The following ABCA4 variants were observed in gnomAD, a reference collection of about 807,000 sequenced individuals.
ABCA4 encodes ATP binding cassette subfamily A member 4, also known as retinal-specific phospholipid-transporting ATPase ABCA4.
In ABCA4, 196 loss-of-function variants were observed where a neutral mutation model predicts 263.7. The observed-to-expected ratio is 0.74, with a 90% confidence interval of 0.66 to 0.84. ABCA4 has a LOEUF of 0.84. Among genes scored for constraint, ABCA4 ranks in the 40% least tolerant of loss-of-function variants. The probability of loss-of-function intolerance (pLI) is 0.00; values close to 1 mark genes in which losing one functional copy is unlikely to be tolerated. For synonymous variants in ABCA4, 1,133 were observed against 1,094.2 expected (o/e 1.04, Z -0.70); for missense variants, 2,792 against 2,855.1 (o/e 0.98, Z 0.50).
intron 11 of ABCA4, among the ~76,000 whole-genome samples, chr1:94,066,719 C>T (rs1661278037): frequency 6.6e-6 from 1 of 152,222 alleles, no homozygotes; most frequent in African/African-American, 2.4e-5. Flanking sequence ...TTCCCCTATC[C>T]TTGCTCTGAG....
chr1:94,008,364 C>A, intron 41 of ABCA4, 67 bp from the exon 42 acceptor site: 1 of 1,493,978 alleles, frequency 6.7e-7, no homozygotes, highest in Non-Finnish European at 9.3e-7. Flanking sequence ...GAAGAGGGAA[C>A]AAAGAGCAAA....
intron 4 of ABCA4, among the ~76,000 whole-genome samples, chr1:94,103,360 G>A (rs1452248545): frequency 6.6e-6 from 1 of 151,784 alleles, no homozygotes; most frequent in African/African-American, 2.4e-5. Flanking sequence ...TAAGAAGGTG[G>A]AAAAAGTTAG....
At chr1:94,023,238 C>T in intron 32 of ABCA4, 148 bp downstream of exon 32, 2 of 687,566 alleles carry the variant, frequency 2.9e-6, no homozygotes, top group Admixed American at 4.5e-5. Flanking sequence ...TCCCTAGCCA[C>T]ATATTCTTCA....
intron 3 of ABCA4, among the ~76,000 whole-genome samples, 158 bp from the exon 4 acceptor site, chr1:94,108,874 G>A (rs567235315): frequency 4.8e-4 from 73 of 151,990 alleles, no homozygotes; most frequent in African/African-American, 1.5e-3. Flanking sequence ...CCGGGTTCAC[G>A]CTATTCTCCT....
In ABCA4 at chr1:94,055,196, G is replaced by A; in HGVS notation, c.2502C>T (p.Phe834=). 2 of 1,614,186 alleles carry A rather than the reference G, an allele frequency of 1.2e-6. No homozygotes were observed. Among genetic ancestry groups the A allele is most frequent in the Non-Finnish European group, 1.7e-6 (2 of 1,180,036 alleles). The change falls in exon 16 of 50, where the codon TTC becomes TTT. Residue 834 remains phenylalanine, a synonymous_variant. Coordinates refer to ENST00000370225, the MANE Select transcript of ABCA4 (RefSeq NM_000350.3). ...TCATCTGCATGGACAGCAGGAAGCTGAATTCGTCCCCTTCCGTGGGACTGT... is the reference window on the plus strand; with the variant it reads ...TCATCTGCATGGACAGCAGGAAGCTAAATTCGTCCCCTTCCGTGGGACTGT... ...IGNSPTEGDE[F]SFLLSMQMML...
rs199775401 is a variant in ABCA4 at position 94,021,329 on chromosome 1, C to T, written c.4929G>A (p.Leu1643=). The T allele has an allele frequency of 6.2e-7, 1 of 1,614,182 alleles. No individual in the cohort carries two copies. Among genetic ancestry groups the T allele is most frequent in the African/African-American group, 1.3e-5 (1 of 75,038 alleles). ...VAHNAILRAS[L]PKDRSPEEYG... ...ACTCCTCGGGGCTCCTGTCCTTAGG[C>T]AGGCTGGCCCGTAAGATGGCGTTGT... Residue 1643 remains leucine, a synonymous_variant, in exon 35 of 50, where the codon CTG becomes CTA. Coordinates refer to ENST00000370225, the MANE Select transcript of ABCA4 (RefSeq NM_000350.3).
rs1660481292 is a variant in ABCA4 at position 94,041,355 on chromosome 1, G to C, written c.3376C>G (p.Leu1126Val). The change falls in exon 23 of 50, where the codon CTT becomes GTT. Residue 1126 changes from leucine (L) to valine (V), a missense_variant. Coordinates refer to ENST00000370225, the MANE Select transcript of ABCA4 (RefSeq NM_000350.3). ...STHHMDEADLLGDRIAIIAQG... is the reference protein window; with the variant it reads ...STHHMDEADLVGDRIAIIAQG... ...GCAATGATGGCAATGCGGTCCCCAA[G>C]GAGGTCGGCCTCGTCCATGTGGTGA... The C allele has an allele frequency of 6.2e-7, 1 of 1,614,178 alleles. No homozygotes were observed. Among genetic ancestry groups the C allele is most frequent in the Non-Finnish European group, 8.5e-7 (1 of 1,180,040 alleles).
intron 1 of ABCA4, among the ~76,000 whole-genome samples, chr1:94,114,890 C>G (rs1662715378): frequency 6.6e-6 from 1 of 152,230 alleles, no homozygotes; most frequent in African/African-American, 2.4e-5. Context: ...GGAACCTCAT[C>G]TGTCGTTGTC....
At chr1:94,066,231 G>A (rs1425091169) in intron 11 of ABCA4, among the ~76,000 whole-genome samples, 1 of 152,226 alleles carries the variant, frequency 6.6e-6, no homozygotes, top group African/African-American at 2.4e-5. Context: ...CATGCTGCTT[G>A]AGGACAAAGG....
chr1:94,062,609 C>A lies in ABCA4; in HGVS notation c.1905G>T (p.Gln635His). Residue 635 changes from glutamine to histidine, a missense_variant, in exon 13 of 50, where the codon CAG becomes CAT. By Grantham distance (24) the Gln-to-His change is conservative (BLOSUM62 0). Coordinates refer to ENST00000370225, the MANE Select transcript of ABCA4 (RefSeq NM_000350.3). ...QAEAPVGIYLQQMPYPCFVDD... is the reference protein window; with the variant it reads ...QAEAPVGIYLHQMPYPCFVDD... Reference sequence around the variant, plus strand: ...CCACGAAGCAGGGGTAGGGCATCTGCTGGAGGTAGATTCCAACTGGAGCCT... The same window carrying A: ...CCACGAAGCAGGGGTAGGGCATCTGATGGAGGTAGATTCCAACTGGAGCCT... 1 of 1,614,174 alleles carries A rather than the reference C, an allele frequency of 6.2e-7. No homozygotes were observed.
chr1:94,017,481 T>C (rs969599814), intron 36 of ABCA4, among the ~76,000 whole-genome samples: 1 of 152,184 alleles, frequency 6.6e-6, no homozygotes, highest in African/African-American at 2.4e-5. Flanking sequence ...CAAAAGACTG[T>C]GGAACTCTTC....
chr1:94,098,399 A>G (rs879550261), intron 6 of ABCA4, among the ~76,000 whole-genome samples: 5 of 152,156 alleles, frequency 3.3e-5, no homozygotes, highest in Non-Finnish European at 5.9e-5. Flanking sequence ...GTAAAGTATT[A>G]TATTTGTTTT....
At chr1:94,092,491 GACACCCTGAGTGCTAGGA>G (rs1661996149) in intron 6 of ABCA4, among the ~76,000 whole-genome samples, 1 of 152,204 alleles carries the variant, frequency 6.6e-6, no homozygotes, top group South Asian at 2.1e-4. Flanking sequence ...ACCAGGAGGG[GACACCCTGAGTGCTAGGA>G]AATGCGTCAT....
At chr1:94,000,620 G>A (rs1659147229) in intron 47 of ABCA4, among the ~76,000 whole-genome samples, 1 of 152,086 alleles carries the variant, frequency 6.6e-6, no homozygotes, top group Non-Finnish European at 1.5e-5. Flanking sequence ...AGACTTGGGC[G>A]AGTCTTCGAC....
At chr1:94,112,806 T>G (rs1164048154) in intron 2 of ABCA4, among the ~76,000 whole-genome samples, 167 bp downstream of exon 2, 1 of 152,156 alleles carries the variant, frequency 6.6e-6, no homozygotes, top group East Asian at 1.9e-4. Flanking sequence ...AAAGACTTTT[T>G]AAAAATTATA....
chr1:94,068,607 A>C (rs757402881), intron 11 of ABCA4, among the ~76,000 whole-genome samples: 1 of 152,266 alleles, frequency 6.6e-6, no homozygotes, highest in Non-Finnish European at 1.5e-5. Context: ...TGGTCTGATT[A>C]GCTTGCAAGT....
rs61748527 is a variant in ABCA4, at chr1:94,111,510, A to T, written c.230T>A (p.Val77Glu). ...GGGGCTTTGAAAACAGGGATTGTTC[A>T]CATTGCAGAAGATCCCCTGGAGCCA... ...LPWLQGIFCN[V>E]NNPCFQSPTP... The change falls in exon 3 of 50, where the codon GTG becomes GAG. Residue 77 changes from valine to glutamate, a missense_variant. By Grantham distance (121) the Val-to-Glu change is moderately radical (BLOSUM62 -2). Coordinates refer to ENST00000370225, the MANE Select transcript of ABCA4 (RefSeq NM_000350.3). 6.2e-7 allele frequency: 1 copy of T among 1,614,196 alleles called. No homozygotes were observed. Among genetic ancestry groups the T allele is most frequent in the Non-Finnish European group, 8.5e-7 (1 of 1,179,986 alleles).
At chr1:94,026,600 A>G (rs1660046388) in intron 30 of ABCA4, among the ~76,000 whole-genome samples, 1 of 152,222 alleles carries the variant, frequency 6.6e-6, no homozygotes, top group South Asian at 2.1e-4. Context: ...GGTGGAATCC[A>G]GGTTGGAAAA....
intron 6 of ABCA4, among the ~76,000 whole-genome samples, chr1:94,096,018 G>A (rs1662117569): frequency 1.3e-5 from 2 of 152,196 alleles, no homozygotes. Context: ...GAACAGGAGA[G>A]AGAAAGCATC....
Sources: gnomAD v4.1 joint callset for allele counts (sites outside exome capture counted in the v4.1 genomes callset) on GRCh38, gnomAD v4.1.1 for gene constraint, MANE v1.5 for transcripts, NCBI Gene and HGNC (gene_info 2026-07-23, HGNC 2026-07-21) for gene names.